Variants in SLC2A13 observed in about 807,000 individuals in gnomAD.
SLC2A13 encodes proton myo-inositol cotransporter.
In SLC2A13, 32 loss-of-function variants were observed where a neutral mutation model predicts 64.4. The ratio of observed to expected loss-of-function variants is 0.50; its 90% confidence interval spans 0.37 to 0.67. SLC2A13 has a LOEUF of 0.67. SLC2A13 is among the 30% of genes least tolerant of loss of function. The pLI is 0.00. For missense variants in SLC2A13, 743 were observed against 829.2 expected, an observed-to-expected ratio of 0.90 and a Z score of 1.28; for synonymous variants, 338 against 327.1, an observed-to-expected ratio of 1.03 and a Z score of -0.36.
intron 4 of SLC2A13, among the ~76,000 whole-genome samples, chr12:39,915,197 A>G (rs1422794758): frequency 6.6e-6 from 1 of 152,050 alleles, no homozygotes; most frequent in Non-Finnish European, 1.5e-5. Context: ...ATATTATAAA[A>G]CAAAATTTAT....
chr12:39,817,230 A>T (rs1242566326), intron 7 of SLC2A13, among the ~76,000 whole-genome samples: 1 of 152,170 alleles, frequency 6.6e-6, no homozygotes, highest in African/African-American at 2.4e-5. Flanking sequence ...CTTTTGAAAG[A>T]CTCAAAGTAG....
intron 3 of SLC2A13, among the ~76,000 whole-genome samples, chr12:39,964,923 A>T (rs1432706630): frequency 1.3e-5 from 2 of 152,200 alleles, no homozygotes; most frequent in African/African-American, 2.4e-5. Flanking sequence ...GGAAAGGCTG[A>T]TCTACACATT....
intron 6 of SLC2A13, among the ~76,000 whole-genome samples, chr12:39,860,874 C>T (rs1379967416): frequency 6.6e-6 from 1 of 152,144 alleles, no homozygotes; most frequent in Non-Finnish European, 1.5e-5. Context: ...CTTGGTGGCA[C>T]CCACACCCAC....
At chr12:39,858,675 C>T (rs1288937789) in intron 6 of SLC2A13, among the ~76,000 whole-genome samples, 3 of 152,122 alleles carry the variant, frequency 2.0e-5, no homozygotes, top group Admixed American at 6.5e-5. Context: ...GGCACGATCT[C>T]GGCTCACTGC....
chr12:39,782,391 G>A lies in SLC2A13; in HGVS notation c.1446-17533C>T, dbSNP rs189618684. Among the ~76,000 whole-genome samples, 77 of 152,218 alleles carry A rather than the reference G, an allele frequency of 5.1e-4. No individual in the cohort carries two copies. The East Asian group carries it at 0.011, about 22-fold the overall frequency. Reference sequence around the variant, plus strand: ...TCTTGTAATAGTGAGTAAGTGTCACGAAATCTGATGGGTTTGTCAGGGGTT... The same window carrying A: ...TCTTGTAATAGTGAGTAAGTGTCACAAAATCTGATGGGTTTGTCAGGGGTT... On this transcript the variant is annotated intron_variant, in intron 7 of 9. Coordinates refer to ENST00000280871, the MANE Select transcript of SLC2A13 (RefSeq NM_052885.4).
intron 3 of SLC2A13, among the ~76,000 whole-genome samples, chr12:39,970,111 G>A (rs1946615579): frequency 6.6e-6 from 1 of 152,150 alleles, no homozygotes; most frequent in Non-Finnish European, 1.5e-5. Context: ...GATGGTTGTA[G>A]ATGTGTGGTA....
rs143656347 is a variant in SLC2A13 at position 39,843,562 on chromosome 12, T to C, written c.1320-13334A>G. On this transcript the variant is annotated intron_variant, in intron 6 of 9. Coordinates refer to ENST00000280871, the MANE Select transcript of SLC2A13 (RefSeq NM_052885.4). ...TAGAGAATTATAATACAATTCCTTA[T>C]ATGAAGTTAGGGGTAGCCAAGTGAC... Among the ~76,000 whole-genome samples the C allele has an allele frequency of 1.1e-4, 17 of 152,182 alleles. No homozygotes were observed. In the East Asian group the frequency reaches 3.3e-3, roughly 29 times the overall value.
At chr12:39,895,178 A>G (rs1944709175) in intron 4 of SLC2A13, among the ~76,000 whole-genome samples, 1 of 152,054 alleles carries the variant, frequency 6.6e-6, no homozygotes, top group African/African-American at 2.4e-5. Context: ...CAGAACCCTG[A>G]GTAACAAGTA....
intron 3 of SLC2A13, among the ~76,000 whole-genome samples, chr12:39,997,374 C>T (rs1281246905): frequency 1.3e-5 from 2 of 152,034 alleles, no homozygotes; most frequent in Non-Finnish European, 2.9e-5. Flanking sequence ...TCACCTTATA[C>T]AAAAATCAAC....
intron 7 of SLC2A13, among the ~76,000 whole-genome samples, chr12:39,808,038 T>C (rs532066895): frequency 7.2e-4 from 109 of 152,276 alleles, no homozygotes; most frequent in African/African-American, 2.4e-3. Context: ...TCAATGAGTT[T>C]TGACAATGTA....
In SLC2A13 at chr12:39,849,353, T is replaced by G. The variant is rs115199852; in HGVS notation, c.1319+15409A>C. ...CAAGTTACTTGGACAGCATGAAAGG[T>G]GACCTAAAAGTCTCAGAGTTAATGC... On this transcript the variant is annotated intron_variant, in intron 6 of 9. Coordinates refer to ENST00000280871, the MANE Select transcript of SLC2A13 (RefSeq NM_052885.4). 6.2e-3 allele frequency among the ~76,000 whole-genome samples: 944 copies of G among 152,186 alleles called. 7 individuals carry two copies. The highest frequency in any genetic ancestry group is 0.022 in the African/African-American group (904 of 41,518).
chr12:39,914,579 C>A (rs1458421844), intron 4 of SLC2A13, among the ~76,000 whole-genome samples: 1 of 151,874 alleles, frequency 6.6e-6, no homozygotes, highest in African/African-American at 2.4e-5. Flanking sequence ...TATAATCAAA[C>A]CCATATATTA....
At chr12:39,877,101 T>C (rs951948272) in intron 4 of SLC2A13, among the ~76,000 whole-genome samples, 1 of 152,168 alleles carries the variant, frequency 6.6e-6, no homozygotes, top group Non-Finnish European at 1.5e-5. Context: ...AAAATAATTA[T>C]ATTTTCCTAT....
At chr12:39,925,999 G>T (rs1231210107) in intron 4 of SLC2A13, among the ~76,000 whole-genome samples, 1 of 152,136 alleles carries the variant, frequency 6.6e-6, no homozygotes, top group Non-Finnish European at 1.5e-5. Flanking sequence ...ATGACAGATA[G>T]TAAAATAAAA....
intron 7 of SLC2A13, chr12:39,829,790 TAAAC>T (rs1307218388): frequency 1.9e-5 from 6 of 321,894 alleles, no homozygotes; most frequent in Admixed American, 1.7e-4. Flanking sequence ...ACAGTGCAAT[TAAAC>T]AATATGCAGT....
chr12:39,900,651 AAGG>A (rs1470456477), intron 4 of SLC2A13, among the ~76,000 whole-genome samples: 6 of 152,336 alleles, frequency 3.9e-5, no homozygotes, highest in African/African-American at 1.4e-4. Flanking sequence ...GGACCTCTTC[AAGG>A]AGAACCACAA....
At chr12:39,984,220 C>G (rs1417271036) in intron 3 of SLC2A13, among the ~76,000 whole-genome samples, 1 of 151,704 alleles carries the variant, frequency 6.6e-6, no homozygotes, top group Non-Finnish European at 1.5e-5. Flanking sequence ...GGGAGATATA[C>G]CTAATGCTAG....
chr12:40,006,788 A>G (rs1181041012), intron 3 of SLC2A13, among the ~76,000 whole-genome samples: 2 of 152,212 alleles, frequency 1.3e-5, no homozygotes, highest in East Asian at 1.9e-4. Context: ...AGTGGTTTAC[A>G]AGAATAAACC....
chr12:40,000,003 T>C (rs1199856948), intron 3 of SLC2A13, among the ~76,000 whole-genome samples: 2 of 152,300 alleles, frequency 1.3e-5, no homozygotes, highest in East Asian at 1.9e-4. Flanking sequence ...CTGGCACTTA[T>C]GGAAAATAGA....
Sources: gnomAD v4.1 joint callset for allele counts (sites outside exome capture counted in the v4.1 genomes callset) on GRCh38, gnomAD v4.1.1 for gene constraint, MANE v1.5 for transcripts, NCBI Gene and HGNC (gene_info 2026-07-23, HGNC 2026-07-21) for gene names.